NT5DC2: variants seen among roughly 807,000 people sequenced by gnomAD.
NT5DC2 encodes 5'-nucleotidase domain-containing protein 2.
Under a neutral mutation model 70.0 loss-of-function variants are expected in NT5DC2, and 41 were observed. That is an observed-to-expected ratio of 0.59 (90% confidence interval 0.46 to 0.76). NT5DC2 has a LOEUF of 0.76. NT5DC2 is among the 30% of genes least tolerant of loss of function. NT5DC2 has a pLI of 0.00. For missense variants in NT5DC2, 705 were observed against 783.2 expected (o/e 0.90, Z 1.19); for synonymous variants, 299 against 310.4 (o/e 0.96, Z 0.39).
At position 52,529,267 on chromosome 3, in the gene NT5DC2, G is replaced by A; in HGVS notation, c.300C>T (p.Ser100=). 6.2e-7 allele frequency: 1 copy of A among 1,613,994 alleles called. No individual in the cohort carries two copies. Among genetic ancestry groups the A allele is most frequent in the Admixed American group, 1.7e-5 (1 of 60,016 alleles). Residue 100 remains serine (S), a synonymous_variant, in exon 2 of 14, where the codon AGC becomes AGT. Coordinates refer to ENST00000422318, the MANE Select transcript of NT5DC2 (RefSeq NM_001134231.2). This position sits in a 1 kb window ranked among gnomAD's most constrained non-coding sequence, Gnocchi z 4.1. ...PAAIYANNEI[S]LRDVEVYGFD... ...AGCCGTAGACCTCAACGTCACGCAGGCTGATCTCGTTGTTGGCGTAGATGG... is the reference window on the plus strand; with the variant it reads ...AGCCGTAGACCTCAACGTCACGCAGACTGATCTCGTTGTTGGCGTAGATGG...
chr3:52,528,377 G>C, intron 5 of NT5DC2, 66 bp from the exon 6 acceptor site: 5 of 1,613,098 alleles, frequency 3.1e-6, no homozygotes, highest in Non-Finnish European at 4.2e-6. Flanking sequence ...TGGAGACGAG[G>C]GCCCCAAATC....
intron 3 of NT5DC2, 55 bp downstream of exon 3, chr3:52,528,805 TG>T (rs1272750477): frequency 6.2e-7 from 1 of 1,603,222 alleles, no homozygotes; most frequent in East Asian, 2.2e-5. Flanking sequence ...GGAGGGGTAA[TG>T]ACCATACCAA....
At chr3:52,533,980 G>A (rs2079397803), upstream of NT5DC2, 1 of 359,600 alleles carries the variant, frequency 2.8e-6, no homozygotes. Flanking sequence ...CCCCCAGCCA[G>A]TCTCCGGCGC....
At chr3:52,533,015 G>A (rs1395285194) in intron 1 of NT5DC2, among the ~76,000 whole-genome samples, 1 of 152,178 alleles carries the variant, frequency 6.6e-6, no homozygotes, top group Non-Finnish European at 1.5e-5. Flanking sequence ...CTGAGAGGGG[G>A]CCGGACCTCC....
chr3:52,534,441 G>A (rs1165575602), upstream of NT5DC2: 2 of 1,600,378 alleles, frequency 1.2e-6, no homozygotes, highest in East Asian at 2.2e-5. Flanking sequence ...GCCGACGTCC[G>A]CTAACCAGGT....
At chr3:52,527,749 T>C (rs2079299566) in intron 8 of NT5DC2, 31 bp from the exon 9 acceptor site, 1 of 1,612,456 alleles carries the variant, frequency 6.2e-7, no homozygotes, top group African/African-American at 1.3e-5. Flanking sequence ...TGGCAAGTAG[T>C]CTGAGGGCGG....
At chr3:52,534,691 T>A, upstream of NT5DC2, 1 of 1,576,860 alleles carries the variant, frequency 6.3e-7, no homozygotes, top group Non-Finnish European at 8.6e-7. Context: ...CCCGCACGCA[T>A]ACCAGGCTGT....
At position 52,531,638 on chromosome 3, in the gene NT5DC2, G is replaced by A. The variant is rs904238789; in HGVS notation, c.232+1868C>T. 3.6e-5 allele frequency among the ~76,000 whole-genome samples: 5 copies of A among 138,776 alleles called. No individual in the cohort carries two copies. Among genetic ancestry groups the A allele is most frequent in the Admixed American group, 2.2e-4 (3 of 13,484 alleles). The allele number at this position is 138,776 out of a possible 152,430, so 91.0% of individuals were successfully genotyped here. A position where few individuals can be genotyped will look rare whatever the true frequency, so the allele number is the denominator to read the frequency against. On this transcript the variant is annotated intron_variant, in intron 1 of 13. Coordinates refer to ENST00000422318, the MANE Select transcript of NT5DC2 (RefSeq NM_001134231.2). The surrounding 1 kb of genome is among the most constrained non-coding windows in gnomAD (Gnocchi z 4.1). Reference sequence around the variant, plus strand: ...ACTAGAAGAACCTTGGCTCTGGGGCGACAGAAGCCTGTTCCCTTCCATAGG... The same window carrying A: ...ACTAGAAGAACCTTGGCTCTGGGGCAACAGAAGCCTGTTCCCTTCCATAGG...
intron 1 of NT5DC2, among the ~76,000 whole-genome samples, chr3:52,533,078 G>A (rs2079382271): frequency 6.6e-6 from 1 of 152,174 alleles, no homozygotes; most frequent in Admixed American, 6.5e-5. Flanking sequence ...CCTTTGGTCC[G>A]GCCGTCCCTA....
upstream of NT5DC2, chr3:52,534,245 C>T (rs2079400897): frequency 3.9e-6 from 2 of 510,752 alleles, no homozygotes; most frequent in East Asian, 3.7e-5. Context: ...CCAGATCCTC[C>T]GCTCCTCCCC....
In NT5DC2 at chr3:52,527,669, C is replaced by T. The variant is rs772261216; in HGVS notation, c.985G>A (p.Asp329Asn). ...MVGPDWRQLF[D>N]VVIVQADKPS... ...TTGTCTGCCTGGACAATGACCACAT[C>T]GAAGAGCTGGCGCCAATCGGGACCC... is the stretch of plus-strand genomic sequence containing the variant. The change falls in exon 9 of 14, where the codon GAT becomes AAT. Residue 329 changes from aspartate (D) to asparagine (N), a missense_variant. Asp to Asn is a conservative substitution (Grantham distance 23, BLOSUM62 1). Coordinates refer to ENST00000422318, the MANE Select transcript of NT5DC2 (RefSeq NM_001134231.2). 9 of 1,613,120 alleles carry T rather than the reference C, an allele frequency of 5.6e-6. No individual in the cohort carries two copies. The highest frequency in any genetic ancestry group is 1.3e-5 in the African/African-American group (1 of 74,934).
intron 10 of NT5DC2, 161 bp from the exon 11 acceptor site, chr3:52,525,456 C>T (rs947078752): frequency 9.6e-6 from 6 of 624,214 alleles, no homozygotes; most frequent in Non-Finnish European, 1.7e-5. Context: ...GTCACTTTCC[C>T]CTCCTACTTG....
chr3:52,533,437 T>A, intron 1 of NT5DC2, 69 bp downstream of exon 1: 1 of 1,428,076 alleles, frequency 7.0e-7, no homozygotes, highest in Non-Finnish European at 9.3e-7. Context: ...AGCGGCACCC[T>A]GGGGCTCGGT....
intron 1 of NT5DC2, among the ~76,000 whole-genome samples, chr3:52,533,200 G>A (rs571342308): frequency 4.0e-4 from 61 of 152,310 alleles, no homozygotes; most frequent in African/African-American, 1.4e-3. Context: ...GCGGCTTCAC[G>A]GCAGGCGGGA....
chr3:52,525,626 G>T (rs1419535301), intron 10 of NT5DC2: 1 of 294,010 alleles, frequency 3.4e-6, no homozygotes, highest in Non-Finnish European at 6.5e-6. Context: ...CAGCCCTGAA[G>T]TCCTTGCTGG....
chr3:52,529,994 C>T lies in NT5DC2; in HGVS notation c.233-660G>A, dbSNP rs954924133. On this transcript the variant is annotated intron_variant, in intron 1 of 13. Coordinates refer to ENST00000422318, the MANE Select transcript of NT5DC2 (RefSeq NM_001134231.2). This position sits in a 1 kb window ranked among gnomAD's most constrained non-coding sequence, Gnocchi z 4.1. ...TTTTCTACCTTGCCCAGAGCTGGGA[C>T]TGGGGCTCAGGAACATTAGTGGGAG... 6.5e-6 allele frequency: 1 copy of T among 153,018 alleles called. No homozygotes were observed. Among genetic ancestry groups the T allele is most frequent in the Non-Finnish European group, 1.5e-5 (1 of 68,616 alleles). The allele number at this position is 153,018 out of a possible 1,614,324, so 9.5% of individuals were successfully genotyped here. A position where few individuals can be genotyped will look rare whatever the true frequency, so the allele number is the denominator to read the frequency against.
chr3:52,525,170 T>A, intron 11 of NT5DC2, 39 bp downstream of exon 11: 1 of 1,571,100 alleles, frequency 6.4e-7, no homozygotes, highest in Non-Finnish European at 8.7e-7. Flanking sequence ...GGGGGTTTCC[T>A]GGCCCTCCCC....
At chr3:52,525,177 C>T (rs751472159) in intron 11 of NT5DC2, 32 bp downstream of exon 11, 3 of 1,596,520 alleles carry the variant, frequency 1.9e-6, no homozygotes, top group Admixed American at 1.7e-5. Context: ...TCCTGGCCCT[C>T]CCCCACTGCA....
At chr3:52,524,760 G>C (rs1158090499) in intron 13 of NT5DC2, 29 bp from the exon 14 acceptor site, 7 of 1,612,564 alleles carry the variant, frequency 4.3e-6, no homozygotes, top group Non-Finnish European at 5.9e-6. Flanking sequence ...TGCGCTCAAG[G>C]GGTGGGCCTG....
Sources: gnomAD v4.1 joint callset for allele counts (sites outside exome capture counted in the v4.1 genomes callset) on GRCh38, gnomAD v4.1.1 for gene constraint, Gnocchi (gnomAD v3.1) non-coding constraint, MANE v1.5 for transcripts, NCBI Gene and HGNC (gene_info 2026-07-23, HGNC 2026-07-21) for gene names.